Variants in SVIL observed in about 807,000 individuals in gnomAD.
SVIL encodes the protein supervillin.
SVIL carries 101 observed loss-of-function variants against 240.4 expected under a neutral mutation model. That is an observed-to-expected ratio of 0.42 (90% CI 0.36 to 0.50). The LOEUF (loss-of-function observed/expected upper bound fraction) is 0.50, where lower values mean the gene tolerates loss of function less well. Among genes scored for constraint, SVIL ranks in the 20% least tolerant of loss-of-function variants. The pLI is 0.01. For missense variants in SVIL, 2,512 were observed against 2,818.7 expected (o/e 0.89, Z 2.46); for synonymous variants, 999 against 1,100.0 (o/e 0.91, Z 1.82).
Position 29,550,752 on chromosome 10 carries a change from G to A in SVIL, c.672C>T (p.Ala224=), listed in dbSNP as rs375810056. The A allele has an allele frequency of 6.2e-7, 1 of 1,613,992 alleles. No homozygotes were observed. The highest frequency in any genetic ancestry group is 8.5e-7 in the Non-Finnish European group (1 of 1,180,020). The change falls in exon 6 of 38, where the codon GCC becomes GCT. Residue 224 remains alanine (A), a synonymous_variant. Coordinates refer to ENST00000355867, the MANE Select transcript of SVIL (RefSeq NM_021738.3). ...AGAAAGAGAAGGTCGAGGAACTCTCGGCTGCTGGGGACAGGTCATGGGCCT... is the reference window on the plus strand; with the variant it reads ...AGAAAGAGAAGGTCGAGGAACTCTCAGCTGCTGGGGACAGGTCATGGGCCT... The part of the protein sequence containing the change: ...TRQAHDLSPA[A]ESSSTFSFSG...
At chr10:29,579,608 C>A (rs1955851908) in intron 1 of SVIL, among the ~76,000 whole-genome samples, 1 of 152,182 alleles carries the variant, frequency 6.6e-6, no homozygotes, top group African/African-American at 2.4e-5. Context: ...CGGTATTAAA[C>A]CTTCAGGGAC....
intron 3 of SVIL, among the ~76,000 whole-genome samples, chr10:29,562,979 G>A (rs1003108678): frequency 2.6e-5 from 4 of 152,094 alleles, no homozygotes; most frequent in African/African-American, 9.7e-5. Context: ...ACCTGAGGAT[G>A]CCTAAAATTA....
intron 1 of SVIL, among the ~76,000 whole-genome samples, chr10:29,692,142 G>C (rs776991312): frequency 1.3e-5 from 2 of 152,172 alleles, no homozygotes; most frequent in Non-Finnish European, 2.9e-5. Context: ...ACAAAGAATC[G>C]TGAACTTGGT....
Position 29,458,094 on chromosome 10 carries a change from C to T in SVIL, c.*153G>A, listed in dbSNP as rs1943761680. ...TTGAACATTTACAAAATACACAACT[C>T]CGGGACAAGCAGTATCTTTAACAAT... On this transcript the variant is annotated 3_prime_UTR_variant, in exon 38 of 38. Transcript: ENST00000355867. 5.5e-6 allele frequency: 4 copies of T among 732,414 alleles called. No homozygotes were observed. The highest frequency in any genetic ancestry group is 6.6e-6 in the Non-Finnish European group (3 of 453,192). The allele number at this position is 732,414 out of a possible 1,614,324, so 45.4% of individuals were successfully genotyped here.
intron 1 of SVIL, among the ~76,000 whole-genome samples, chr10:29,624,199 T>C (rs531148447): frequency 2.0e-5 from 3 of 149,154 alleles, no homozygotes; most frequent in Admixed American, 6.7e-5. Flanking sequence ...GCATTTTCCA[T>C]ATGGTTTTGG....
chr10:29,576,699 C>T (rs549748249), intron 1 of SVIL, among the ~76,000 whole-genome samples: 75 of 152,312 alleles, frequency 4.9e-4, no homozygotes, highest in African/African-American at 1.6e-3. Context: ...CATGTGCCAA[C>T]ATGCCTGGTT....
In SVIL at chr10:29,470,446, G is replaced by A. The variant is rs754623141; in HGVS notation, c.5673C>T (p.Pro1891=). The A allele has an allele frequency of 3.1e-6, 5 of 1,614,018 alleles. No homozygotes were observed. Among genetic ancestry groups the A allele is most frequent in the Non-Finnish European group, 3.4e-6 (4 of 1,180,042 alleles). ...WRLYCVRGEV[P]VEGNLLEVAC... ...CCACTTCCAGCAAATTCCCTTCCACGGGCACCTCTCCACGCACGCAGTACA... is the reference window on the plus strand; with the variant it reads ...CCACTTCCAGCAAATTCCCTTCCACAGGCACCTCTCCACGCACGCAGTACA... Residue 1891 remains proline (P), a synonymous_variant, in exon 32 of 38, where the codon CCC becomes CCT. Coordinates refer to ENST00000355867, the MANE Select transcript of SVIL (RefSeq NM_021738.3).
intron 1 of SVIL, among the ~76,000 whole-genome samples, chr10:29,691,370 C>A (rs1961492241): frequency 6.6e-6 from 1 of 151,978 alleles, no homozygotes; most frequent in Non-Finnish European, 1.5e-5. Flanking sequence ...CACCACCACG[C>A]CCGGCTAATT....
chr10:29,481,495 A>G, intron 28 of SVIL, 89 bp downstream of exon 28: 2 of 1,530,150 alleles, frequency 1.3e-6, no homozygotes, highest in Non-Finnish European at 1.8e-6. Flanking sequence ...AGCCATACGA[A>G]CTATCCTGAT....
intron 6 of SVIL, among the ~76,000 whole-genome samples, chr10:29,543,604 C>T (rs373454200): frequency 7.2e-5 from 11 of 152,086 alleles, no homozygotes; most frequent in South Asian, 6.2e-4. Context: ...ACCATTGTTC[C>T]GGGTACACGT....
At chr10:29,586,316 A>G (rs1418723948) in intron 1 of SVIL, among the ~76,000 whole-genome samples, 1 of 152,216 alleles carries the variant, frequency 6.6e-6, no homozygotes, top group African/African-American at 2.4e-5. Flanking sequence ...CAAATAATAA[A>G]TGTACATATT....
intron 20 of SVIL, among the ~76,000 whole-genome samples, chr10:29,493,767 T>C (rs971894178): frequency 6.6e-6 from 1 of 152,180 alleles, no homozygotes; most frequent in African/African-American, 2.4e-5. Context: ...AGGCTTTGCA[T>C]GGGGAGGGGT....
intron 5 of SVIL, 48 bp from the exon 6 acceptor site, chr10:29,551,311 A>C: frequency 6.6e-7 from 1 of 1,507,200 alleles, no homozygotes; most frequent in Non-Finnish European, 8.9e-7. Context: ...AAGTAAAGAC[A>C]TGTATTTACA....
rs764147936 is a variant in SVIL, at chr10:29,526,958, T to C, written c.2342+3A>G. 1.9e-6 allele frequency: 3 copies of C among 1,594,766 alleles called. No homozygotes were observed. In the Admixed American group the frequency reaches 5.4e-5, roughly 29 times the overall value. On this transcript the variant is annotated splice_donor_region_variant and intron_variant, in intron 13 of 37. Coordinates refer to ENST00000355867, the MANE Select transcript of SVIL (RefSeq NM_021738.3). ...GCCGCATGCATCTGTATCTGTCCAG[T>C]ACCTGGCAGGCTGCACAGCGCTCCT...
chr10:29,486,529 G>C lies in SVIL; in HGVS notation c.4514C>G (p.Thr1505Arg), dbSNP rs766013255. 1 of 1,614,008 alleles carries C rather than the reference G, an allele frequency of 6.2e-7. No individual in the cohort carries two copies. Among genetic ancestry groups the C allele is most frequent in the Non-Finnish European group, 8.5e-7 (1 of 1,180,050 alleles). The part of the protein sequence containing the change: ...KASELATLIQ[T>R]KRELGCRATY... ...AGCTCTACAACCAAGTTCCCTCTTT[G>C]TCTGAATTAAAGTTGCAAGTTCTGA... The change falls in exon 25 of 38, where the codon ACA becomes AGA. Residue 1505 changes from threonine (T) to arginine (R), a missense_variant. Physicochemically the swap from Thr to Arg is moderately conservative, Grantham distance 71. Coordinates refer to ENST00000355867, the MANE Select transcript of SVIL (RefSeq NM_021738.3).
rs759353729 is a variant in SVIL at position 29,554,792 on chromosome 10, G to A, written c.151C>T (p.Pro51Ser). The A allele has an allele frequency of 6.2e-7, 1 of 1,600,980 alleles. No homozygotes were observed. The highest frequency in any genetic ancestry group is 8.5e-7 in the Non-Finnish European group (1 of 1,174,360). Residue 51 changes from proline (P) to serine (S), a missense_variant, in exon 5 of 38, where the codon CCC (proline) becomes TCC (serine). Pro to Ser is a moderately conservative substitution (Grantham distance 74, BLOSUM62 -1). This residue lies in a region of SVIL where 1,443 missense variants were observed against 1,486.6 expected (regional missense o/e 0.97). Coordinates refer to ENST00000355867, the MANE Select transcript of SVIL (RefSeq NM_021738.3). Reference protein sequence around the residue: ...RYMRASDPASPHIGRSNEEEE... With the variant: ...RYMRASDPASSHIGRSNEEEE... Reference sequence around the variant, plus strand: ...CCAGCTCCACGCTCACCGATGTGGGGGCTGGCAGGGTCGCTGGCTCTCATG... The same window carrying A: ...CCAGCTCCACGCTCACCGATGTGGGAGCTGGCAGGGTCGCTGGCTCTCATG...
intron 3 of SVIL, among the ~76,000 whole-genome samples, chr10:29,644,901 G>A (rs1025791568): frequency 1.3e-5 from 2 of 151,918 alleles, no homozygotes; most frequent in African/African-American, 4.8e-5. Flanking sequence ...GATGGGGTCT[G>A]ACAGGAGTCA....
intron 22 of SVIL, among the ~76,000 whole-genome samples, chr10:29,489,441 T>G (rs1947744753): frequency 6.6e-6 from 1 of 152,256 alleles, no homozygotes; most frequent in South Asian, 2.1e-4. Flanking sequence ...GTTTTAAAAA[T>G]GTATATGCTA....
chr10:29,598,033 G>T (rs994348626), intron 1 of SVIL, among the ~76,000 whole-genome samples: 2 of 152,190 alleles, frequency 1.3e-5, no homozygotes, highest in East Asian at 1.9e-4. Context: ...TCAACAAAAC[G>T]TGGTGTATCT....
Sources: gnomAD v4.1 joint callset for allele counts (sites outside exome capture counted in the v4.1 genomes callset) on GRCh38, gnomAD v4.1.1 for gene constraint, gnomAD v4.1.1 regional missense constraint, MANE v1.5 for transcripts, NCBI Gene and HGNC (gene_info 2026-07-23, HGNC 2026-07-21) for gene names.